The following SVEP1 variants were observed in gnomAD, a reference collection of about 807,000 sequenced individuals.
SVEP1 encodes sushi, von Willebrand factor type A, EGF and pentraxin domain-containing protein 1.
In SVEP1, 164 loss-of-function variants were observed where a neutral mutation model predicts 367.3. The ratio of observed to expected loss-of-function variants is 0.45; its 90% CI spans 0.39 to 0.51. SVEP1 has a LOEUF of 0.51. Among genes scored for constraint, SVEP1 ranks in the 20% least tolerant of loss-of-function variants. SVEP1 has a pLI of 0.00. For missense variants in SVEP1, 4,117 were observed against 4,425.3 expected (o/e 0.93, Z 1.98); for synonymous variants, 1,666 against 1,611.6 (o/e 1.03, Z -0.81).
chr9:110,371,576 T>C (rs1827276682), intron 46 of SVEP1, among the ~76,000 whole-genome samples: 1 of 152,218 alleles, frequency 6.6e-6, no homozygotes, highest in Non-Finnish European at 1.5e-5. Flanking sequence ...CCTTGTATGT[T>C]TCACAGTCCT....
At position 110,472,640 on chromosome 9, in the gene SVEP1, A is replaced by T. The variant is rs111983157; in HGVS notation, c.2600-317T>A. On this transcript the variant is annotated intron_variant, in intron 14 of 47. Coordinates refer to ENST00000374469, the MANE Select transcript of SVEP1 (RefSeq NM_153366.4). ...TTAGAGGTAAATTTTAGAGGTAAAT[A>T]AGAGCTGGGTGCAAAATTCTAGTCA... is the stretch of plus-strand genomic sequence containing the variant. Among the ~76,000 whole-genome samples the T allele has an allele frequency of 4.7e-3, 714 of 152,330 alleles. 7 individuals are homozygous for T. The highest frequency in any genetic ancestry group is 0.016 in the African/African-American group (673 of 41,574).
At chr9:110,532,559 G>C (rs1041428220) in intron 3 of SVEP1, among the ~76,000 whole-genome samples, 4 of 152,132 alleles carry the variant, frequency 2.6e-5, no homozygotes, top group African/African-American at 9.7e-5. Flanking sequence ...ATGCTGCAAT[G>C]ATCATACCCA....
At chr9:110,443,426 G>C (rs1310074294) in intron 27 of SVEP1, 119 bp downstream of exon 27, 1 of 926,418 alleles carries the variant, frequency 1.1e-6, no homozygotes, top group African/African-American at 1.7e-5. Flanking sequence ...GGAAATAAGA[G>C]AGATAGCTGT....
At chr9:110,457,795 A>G (rs957745578) in intron 20 of SVEP1, among the ~76,000 whole-genome samples, 2 of 152,178 alleles carry the variant, frequency 1.3e-5, no homozygotes, top group African/African-American at 4.8e-5. Context: ...TCAGTTTGAA[A>G]TATGATTTAT....
chr9:110,401,056 A>C, intron 39 of SVEP1, 47 bp from the exon 40 acceptor site: 1 of 1,591,308 alleles, frequency 6.3e-7, no homozygotes, highest in Non-Finnish European at 8.5e-7. Context: ...AAGTTAATAC[A>C]TATGAATGAA....
At chr9:110,369,002 TC>T (rs1453032049) in intron 47 of SVEP1, among the ~76,000 whole-genome samples, 2 of 152,208 alleles carry the variant, frequency 1.3e-5, no homozygotes, top group Non-Finnish European at 2.9e-5. Context: ...ACTGAATTTT[TC>T]CCACTTTAAA....
chr9:110,427,552 T>C, intron 36 of SVEP1, 39 bp downstream of exon 36: 1 of 1,588,538 alleles, frequency 6.3e-7, no homozygotes, highest in Non-Finnish European at 8.6e-7. Context: ...TCCACTTCCT[T>C]GGCTCTCAAT....
Position 110,366,501 on chromosome 9 carries a change from G to C in SVEP1, c.*38C>G, listed in dbSNP as rs920334983. 6.5e-7 allele frequency: 1 copy of C among 1,541,112 alleles called. No individual in the cohort carries two copies. The highest frequency in any genetic ancestry group is 1.4e-5 in the African/African-American group (1 of 71,674). On this transcript the variant is annotated 3_prime_UTR_variant, in exon 48 of 48. Coordinates refer to ENST00000374469, the MANE Select transcript of SVEP1 (RefSeq NM_153366.4). Reference sequence around the variant, plus strand: ...TGCCCAGGCACTACCGAGGAGAGATGATCCTGCTTTTGGGAGAGCCAGATG... The same window carrying C: ...TGCCCAGGCACTACCGAGGAGAGATCATCCTGCTTTTGGGAGAGCCAGATG...
chr9:110,395,999 A>G (rs1182364713), intron 40 of SVEP1, among the ~76,000 whole-genome samples: 7 of 151,982 alleles, frequency 4.6e-5, no homozygotes, highest in Admixed American at 2.0e-4. Context: ...TGCACCAAGC[A>G]GACCTAATAG....
intron 3 of SVEP1, among the ~76,000 whole-genome samples, chr9:110,536,300 G>T (rs1229134110): frequency 6.6e-6 from 1 of 152,034 alleles, no homozygotes; most frequent in Non-Finnish European, 1.5e-5. Flanking sequence ...CAGGGATGAA[G>T]CCTACTTGGT....
chr9:110,383,358 C>G (rs936738449), intron 43 of SVEP1, among the ~76,000 whole-genome samples: 51 of 152,152 alleles, frequency 3.4e-4, no homozygotes, highest in African/African-American at 1.1e-3. Context: ...GGGGTCCACT[C>G]CAGACCCTAT....
chr9:110,385,680 T>TTCAATGAATCCTAG (rs1827510476), intron 43 of SVEP1, among the ~76,000 whole-genome samples: 1 of 152,152 alleles, frequency 6.6e-6, no homozygotes, highest in African/African-American at 2.4e-5. Context: ...TGAAAATCTG[T>TTCAATGAATCCTAG]TCAGGTGGGT....
At position 110,407,722 on chromosome 9, in the gene SVEP1, T is replaced by G. The variant is rs757128467; in HGVS notation, c.7878A>C (p.Lys2626Asn). 1.3e-5 allele frequency: 21 copies of G among 1,613,760 alleles called. No homozygotes were observed. Among genetic ancestry groups the G allele is most frequent in the Non-Finnish European group, 5.9e-6 (7 of 1,179,860 alleles). Residue 2626 changes from lysine (K) to asparagine (N), a missense_variant, in exon 38 of 48, where the codon AAA (lysine) becomes AAC (asparagine). By Grantham distance (94) the Lys-to-Asn change is moderately conservative. This residue lies in a region of SVEP1 where 1,765 missense variants were observed against 1,781.1 expected (regional missense o/e 0.99). Transcript: ENST00000374469. The stretch of plus-strand genomic sequence containing the variant: ...CAAAATATCCCTGGTCATCTTTGAG[T>G]TTAGTACAGTCTCCAAAATCTATAT... ...PPHIDFGDCTKLKDDQGYFEQ... is the reference protein window; with the variant it reads ...PPHIDFGDCTNLKDDQGYFEQ...
chr9:110,533,712 T>C (rs141598241), intron 3 of SVEP1, among the ~76,000 whole-genome samples: 3 of 152,326 alleles, frequency 2.0e-5, no homozygotes, highest in African/African-American at 4.8e-5. Flanking sequence ...TGAACAAGCA[T>C]AGCCCGATTT....
chr9:110,550,366 C>T (rs1830269104), intron 1 of SVEP1, among the ~76,000 whole-genome samples: 1 of 152,188 alleles, frequency 6.6e-6, no homozygotes, highest in Non-Finnish European at 1.5e-5. Context: ...TGAAGTACAA[C>T]AAACACTTAT....
In SVEP1 at chr9:110,406,845, C is replaced by T. The variant is rs376495943; in HGVS notation, c.8755G>A (p.Glu2919Lys). The change falls in exon 38 of 48, where the codon GAG becomes AAG. Residue 2919 changes from glutamate to lysine, a missense_variant. Physicochemically the swap from Glu to Lys is moderately conservative, Grantham distance 56. This residue lies in a region of SVEP1 where 1,765 missense variants were observed against 1,781.1 expected (regional missense o/e 0.99). Transcript: ENST00000374469. ...FMKEVTFHCH[E>K]GYILHGAPKL... ...GGAGCACCGTGCAAGATGTAGCCCT[C>T]GTGACAGTGGAATGTTACTTCCTTC... 8 of 1,613,878 alleles carry T rather than the reference C, an allele frequency of 5.0e-6. No individual in the cohort carries two copies. Among genetic ancestry groups the T allele is most frequent in the East Asian group, 2.2e-5 (1 of 44,888 alleles).
chr9:110,464,949 A>G (rs1828912355), intron 18 of SVEP1, among the ~76,000 whole-genome samples: 1 of 152,078 alleles, frequency 6.6e-6, no homozygotes, highest in Non-Finnish European at 1.5e-5. Flanking sequence ...CTAAGTTTTC[A>G]TCTTTTGTTT....
chr9:110,452,087 T>C (rs1828703174), intron 22 of SVEP1, among the ~76,000 whole-genome samples: 2 of 152,212 alleles, frequency 1.3e-5, no homozygotes, highest in Admixed American at 1.3e-4. Flanking sequence ...CATGGCATTA[T>C]GTAACACATA....
chr9:110,559,427 A>G (rs916948431), intron 1 of SVEP1, among the ~76,000 whole-genome samples: 8 of 152,136 alleles, frequency 5.3e-5, no homozygotes, highest in African/African-American at 1.9e-4. Flanking sequence ...AAACAAAACA[A>G]AGACCAAAAA....
Sources: gnomAD v4.1 joint callset for allele counts (sites outside exome capture counted in the v4.1 genomes callset) on GRCh38, gnomAD v4.1.1 for gene constraint, gnomAD v4.1.1 regional missense constraint, MANE v1.5 for transcripts, NCBI Gene and HGNC (gene_info 2026-07-23, HGNC 2026-07-21) for gene names.